Variants in DDX23 observed in about 807,000 individuals in gnomAD.
DDX23 encodes probable ATP-dependent RNA helicase DDX23.
Under a neutral mutation model 102.7 loss-of-function variants are expected in DDX23, and 33 were observed. The ratio of observed to expected loss-of-function variants is 0.32; its 90% CI spans 0.24 to 0.43. The LOEUF is 0.43. Ranked by LOEUF, DDX23 falls within the 20% of genes least tolerant of loss-of-function variation. The probability of loss-of-function intolerance (pLI) is 1.00; values close to 1 mark genes in which losing one functional copy is unlikely to be tolerated. For synonymous variants in DDX23, 352 were observed against 376.0 expected (o/e 0.94, Z 0.74); for missense variants, 549 against 1,086.6 (o/e 0.51, Z 6.96).
intron 1 of DDX23, among the ~76,000 whole-genome samples, chr12:48,848,743 CCTGA>C (rs756685924): frequency 1.6e-3 from 227 of 138,544 alleles, no homozygotes; most frequent in Non-Finnish European, 2.7e-3. Flanking sequence ...TGCCACCACA[CCTGA>C]CTAATTTTTT....
In DDX23 at chr12:48,832,465, G is replaced by A. The variant is rs2137480864; in HGVS notation, c.1912C>T (p.Arg638Cys). The A allele has an allele frequency of 6.2e-7, 1 of 1,614,060 alleles. No individual in the cohort carries two copies. The highest frequency in any genetic ancestry group is 8.5e-7 in the Non-Finnish European group (1 of 1,180,034). ...YIGSAGKPHE[R>C]VEQKVFLMSE... ...ATGAGGAAGACCTTCTGTTCCACAC[G>A]CTCATGGGGCTTGCCTGCGGAGCCA... is the stretch of plus-strand genomic sequence containing the variant. Residue 638 changes from arginine to cysteine, a missense_variant, in exon 14 of 17, where the codon CGT becomes TGT. Coordinates refer to ENST00000308025, the MANE Select transcript of DDX23 (RefSeq NM_004818.3). The surrounding 1 kb of genome is among the most constrained non-coding windows in gnomAD (Gnocchi z 4.4).
chr12:48,831,099 T>C (rs532151673), intron 16 of DDX23, 43 bp downstream of exon 16: 1 of 1,610,030 alleles, frequency 6.2e-7, no homozygotes, highest in Non-Finnish European at 8.5e-7. Context: ...CCATAAGGAA[T>C]CTGACTTCAC....
chr12:48,849,029 C>G (rs959474992), intron 1 of DDX23, among the ~76,000 whole-genome samples: 3 of 152,056 alleles, frequency 2.0e-5, no homozygotes, highest in African/African-American at 7.2e-5. Context: ...GGATAACAAG[C>G]ATGAGCCACC....
At position 48,844,003 on chromosome 12, in the gene DDX23, T is replaced by G. The variant is rs569449849; in HGVS notation, c.257A>C (p.Asn86Thr). The stretch of plus-strand genomic sequence containing the variant: ...CTTGTCTCGATCTCGGTCCTTCTTA[T>G]TCCGATCCCGCTCCTTATCTCGTTC... Reference protein sequence around the residue: ...ERERDKERDRNKKDRDRDKDG... With the variant: ...ERERDKERDRTKKDRDRDKDG... Residue 86 changes from asparagine (N) to threonine (T), a missense_variant, in exon 3 of 17, where the codon AAT becomes ACT. Asn to Thr is a moderately conservative substitution (Grantham distance 65, BLOSUM62 0). Transcript: ENST00000308025. The G allele has an allele frequency of 6.2e-7, 1 of 1,614,186 alleles. No homozygotes were observed. Among genetic ancestry groups the G allele is most frequent in the South Asian group, 1.1e-5 (1 of 91,086 alleles).
At position 48,830,305 on chromosome 12, in the gene DDX23, A is replaced by C. The variant is rs756619915; in HGVS notation, c.*164T>G. 1.2e-6 allele frequency: 1 copy of C among 855,498 alleles called. No individual in the cohort carries two copies. Among genetic ancestry groups the C allele is most frequent in the African/African-American group, 1.7e-5 (1 of 59,876 alleles). 53.0% of individuals were successfully genotyped at this position (855,498 alleles called of 1,614,324 possible). A position where few individuals can be genotyped will look rare whatever the true frequency, so the allele number is the denominator to read the frequency against. On this transcript the variant is annotated 3_prime_UTR_variant, in exon 17 of 17. Coordinates refer to ENST00000308025, the MANE Select transcript of DDX23 (RefSeq NM_004818.3). The surrounding 1 kb of genome is among the most constrained non-coding windows in gnomAD (Gnocchi z 4.9). ...CGTCGTCCTCTCCTTTTGCAGCCCC[A>C]CACGCAGGCCTCCTGACCTGAGGGT...
intron 2 of DDX23, 147 bp from the exon 3 acceptor site, chr12:48,844,197 C>A (rs1248746793): frequency 1.3e-6 from 1 of 771,482 alleles, no homozygotes; most frequent in South Asian, 1.6e-5. Flanking sequence ...CGAGGGAATT[C>A]TAAGAAGCTT....
intron 3 of DDX23, among the ~76,000 whole-genome samples, chr12:48,843,458 C>T (rs1456168647): frequency 1.3e-5 from 2 of 151,314 alleles, no homozygotes; most frequent in South Asian, 2.1e-4. Context: ...GAGACCCTGC[C>T]TCAAAAAAAT....
rs577018593 is a variant in DDX23, at chr12:48,833,174, G to A, written c.1803+103C>T. 404 of 1,527,314 alleles carry A rather than the reference G, an allele frequency of 2.6e-4. 1 individual carries two copies. The East Asian group carries it at 6.1e-3, about 23-fold the overall frequency. The allele number at this position is 1,527,314 out of a possible 1,614,324, so 94.6% of individuals were successfully genotyped here. ...TAATTTTTTAAATTTTTGTAGAGAC[G>A]GAGTTTCGCCATGTTGCCCAGGCTG... On this transcript the variant is annotated intron_variant, in intron 13 of 16. Transcript: ENST00000308025.
chr12:48,832,932 G>A lies in DDX23; in HGVS notation c.1803+345C>T. On this transcript the variant is annotated intron_variant, in intron 13 of 16. Coordinates refer to ENST00000308025, the MANE Select transcript of DDX23 (RefSeq NM_004818.3). This position sits in a 1 kb window ranked among gnomAD's most constrained non-coding sequence, Gnocchi z 4.4. ...ACTTCATTCTAGAAACATGTACTCT[G>A]AGCCCACCTAAGGCAAGAAAGGCCC... 4.5e-6 allele frequency: 2 copies of A among 447,424 alleles called. No individual in the cohort carries two copies. The highest frequency in any genetic ancestry group is 8.1e-6 in the Non-Finnish European group (2 of 247,354). 27.7% of individuals were successfully genotyped at this position (447,424 alleles called of 1,614,324 possible).
At chr12:48,848,986 T>A (rs1938714585) in intron 1 of DDX23, among the ~76,000 whole-genome samples, 1 of 151,878 alleles carries the variant, frequency 6.6e-6, no homozygotes, top group African/African-American at 2.4e-5. Flanking sequence ...ACTCCTGACC[T>A]CAGGTGATCC....
Position 48,836,342 on chromosome 12 carries a change from A to C in DDX23, c.1237-76T>G. 6.5e-7 allele frequency: 1 copy of C among 1,528,798 alleles called. No homozygotes were observed. The highest frequency in any genetic ancestry group is 9.0e-7 in the Non-Finnish European group (1 of 1,107,744). 94.7% of individuals were successfully genotyped at this position (1,528,798 alleles called of 1,614,324 possible). A position where few individuals can be genotyped will look rare whatever the true frequency, so the allele number is the denominator to read the frequency against. On this transcript the variant is annotated intron_variant, in intron 10 of 16. Transcript: ENST00000308025. This position sits in a 1 kb window ranked among gnomAD's most constrained non-coding sequence, Gnocchi z 6.1. ...TGGGCAACCACTGATAGTAGTAAGC[A>C]CATCTGCTAGCACAATGGAAGGATG... is the stretch of plus-strand genomic sequence containing the variant.
intron 11 of DDX23, 188 bp from the exon 12 acceptor site, chr12:48,834,685 G>A (rs1177745717): frequency 1.9e-6 from 1 of 526,330 alleles, no homozygotes; most frequent in Non-Finnish European, 3.3e-6. Flanking sequence ...TGTAATCCCA[G>A]AACTTTGGGA....
In DDX23 at chr12:48,846,313, G is replaced by A. The variant is rs562205997; in HGVS notation, c.1-531C>T. Among the ~76,000 whole-genome samples the A allele has an allele frequency of 5.9e-5, 9 of 152,272 alleles. 1 individual carries two copies. The highest frequency in any genetic ancestry group is 1.9e-4 in the African/African-American group (8 of 41,552). On this transcript the variant is annotated intron_variant, in intron 1 of 16. Transcript: ENST00000308025. ...TAAATATGTACAGTGAATATACCATGTTTTTGTAATTAGACTACAAAAGAG... is the reference window on the plus strand; with the variant it reads ...TAAATATGTACAGTGAATATACCATATTTTTGTAATTAGACTACAAAAGAG...
In DDX23 at chr12:48,833,303, C is replaced by T. The variant is rs1441756199; in HGVS notation, c.1777G>A (p.Glu593Lys). ...TGGCGGTACTTATGTTTTCCCGACT[C>T]AAAGTTGGCCAGCATCTTCTCAGGG... is the stretch of plus-strand genomic sequence containing the variant. The part of the protein sequence containing the change: ...EDPEKMLANF[E>K]SGKHKYRQTV... The change falls in exon 13 of 17, where the codon GAG becomes AAG. Residue 593 changes from glutamate (E) to lysine (K), a missense_variant. Coordinates refer to ENST00000308025, the MANE Select transcript of DDX23 (RefSeq NM_004818.3). The T allele has an allele frequency of 6.2e-7, 1 of 1,614,182 alleles. No homozygotes were observed. Among genetic ancestry groups the T allele is most frequent in the Non-Finnish European group, 8.5e-7 (1 of 1,180,034 alleles).
At chr12:48,845,437 A>G (rs1938649458) in intron 2 of DDX23, 137 bp downstream of exon 2, 2 of 1,012,512 alleles carry the variant, frequency 2.0e-6, no homozygotes, top group Non-Finnish European at 2.9e-6. Flanking sequence ...TCTGGGTAAC[A>G]AACAGAGCGA....
chr12:48,837,723 G>A (rs916275719), intron 6 of DDX23, 66 bp from the exon 7 acceptor site: 1 of 1,592,850 alleles, frequency 6.3e-7, no homozygotes, highest in Non-Finnish European at 8.5e-7. Flanking sequence ...GGAATGGAGG[G>A]AATCCAGACG....
intron 1 of DDX23, among the ~76,000 whole-genome samples, chr12:48,848,365 G>A (rs183902286): frequency 2.6e-5 from 4 of 152,138 alleles, no homozygotes; most frequent in South Asian, 2.1e-4. Context: ...CTAGTGTAGC[G>A]GAAAGGATTT....
intron 1 of DDX23, among the ~76,000 whole-genome samples, chr12:48,849,430 G>A (rs2137498922): frequency 6.6e-6 from 1 of 152,114 alleles, no homozygotes; most frequent in East Asian, 2.0e-4. Context: ...TTGGGAGGCT[G>A]AGATAGGCAG....
In DDX23 at chr12:48,831,170, G is replaced by C. The variant is rs138056786; in HGVS notation, c.2211C>G (p.Val737=). ...GIDIQDVSMV[V]NYDMAKNIED... is the part of the protein sequence containing the mutation. ...CAATATTTTTGGCCATATCATAGTT[G>C]ACAACCATAGACACATCTTGGATGT... Residue 737 remains valine, a synonymous_variant, in exon 16 of 17, where the codon GTC becomes GTG. Coordinates refer to ENST00000308025, the MANE Select transcript of DDX23 (RefSeq NM_004818.3). The C allele has an allele frequency of 3.1e-6, 5 of 1,614,184 alleles. No homozygotes were observed. The highest frequency in any genetic ancestry group is 4.2e-6 in the Non-Finnish European group (5 of 1,180,042).
Sources: gnomAD v4.1 joint callset for allele counts (sites outside exome capture counted in the v4.1 genomes callset) on GRCh38, gnomAD v4.1.1 for gene constraint, Gnocchi (gnomAD v3.1) non-coding constraint, MANE v1.5 for transcripts, NCBI Gene and HGNC (gene_info 2026-07-23, HGNC 2026-07-21) for gene names.